The following CHD9 variants were observed in gnomAD, a reference collection of about 807,000 sequenced individuals.
The protein encoded by CHD9 is chromodomain helicase DNA binding protein 9.
A neutral mutation model predicts 316.1 loss-of-function variants in CHD9; 77 were observed. That is an observed-to-expected ratio of 0.24 (90% CI 0.20 to 0.29). CHD9 has a LOEUF of 0.29. CHD9 is among the 10% of genes least tolerant of loss of function. The pLI, the probability that CHD9 is intolerant of heterozygous loss-of-function variation, is 1.00. For missense variants in CHD9, 2,763 were observed against 3,438.1 expected (o/e 0.80, Z 4.91); for synonymous variants, 1,129 against 1,158.3 (o/e 0.97, Z 0.51).
chr16:53,130,990 G>C (rs1169145392), intron 1 of CHD9: 1 of 152,462 alleles, frequency 6.6e-6, no homozygotes, highest in Non-Finnish European at 1.5e-5. Context: ...GGGGGAGGCG[G>C]TGCCCCTTCA....
In CHD9 at chr16:53,055,864, C is replaced by T. The variant is rs2032040776; in HGVS notation, c.-165+787C>T. ...GAAAGACACCAGTGTGGAATGTGAG[C>T]GAAGACTCTTAGGGGTTTATGGGTA... On this transcript the variant is annotated intron_variant, in intron 1 of 38. Coordinates refer to ENST00000447540, the MANE Select transcript of CHD9 (RefSeq NM_001308319.2). Among the ~76,000 whole-genome samples, 4 of 152,110 alleles carry T rather than the reference C, an allele frequency of 2.6e-5. No homozygotes were observed. The South Asian group carries it at 8.3e-4, about 31-fold the overall frequency.
intron 27 of CHD9, among the ~76,000 whole-genome samples, chr16:53,289,188 G>T (rs562426132): frequency 7.0e-4 from 107 of 152,010 alleles, no homozygotes; most frequent in African/African-American, 2.5e-3. Flanking sequence ...ATTAAAGAAA[G>T]AACCAGGAAC....
At position 53,325,692 on chromosome 16, in the gene CHD9, C is replaced by CT. The variant is rs1201249014; in HGVS notation, c.*801dup. ...ACCCTATAGACATACTTAGTTTTAA[C>CT]TTTTCAAAGTTTGGCCTCCTATTAG... On this transcript the variant is annotated 3_prime_UTR_variant, in exon 39 of 39. Transcript: ENST00000447540. 3.9e-5 allele frequency: 6 copies of CT among 152,244 alleles called. No individual in the cohort carries two copies. The highest frequency in any genetic ancestry group is 6.6e-5 in the Admixed American group (1 of 15,260). 9.4% of individuals were successfully genotyped at this position (152,244 alleles called of 1,614,324 possible).
chr16:53,287,037 G>T (rs191150611), intron 26 of CHD9, among the ~76,000 whole-genome samples: 1 of 152,170 alleles, frequency 6.6e-6, no homozygotes, highest in East Asian at 1.9e-4. Context: ...ATGTCTTACT[G>T]CAGCCTTGAC....
intron 1 of CHD9, among the ~76,000 whole-genome samples, chr16:53,103,004 C>G (rs952121539): frequency 5.9e-5 from 9 of 151,870 alleles, no homozygotes; most frequent in Middle Eastern, 3.4e-3. Flanking sequence ...CGCCACCACC[C>G]CTGGCTAATT....
At chr16:53,160,518 G>T (rs2152754228) in intron 2 of CHD9, among the ~76,000 whole-genome samples, 1 of 149,078 alleles carries the variant, frequency 6.7e-6, no homozygotes, top group African/African-American at 2.4e-5. Context: ...TTTTGTTTCA[G>T]TTTTTTTTTT....
chr16:53,095,713 T>C (rs2036321100), intron 1 of CHD9, among the ~76,000 whole-genome samples: 1 of 152,224 alleles, frequency 6.6e-6, no homozygotes, highest in Admixed American at 6.5e-5. Flanking sequence ...CTCCCTAGTA[T>C]GTTCCATGGG....
chr16:53,094,664 G>A (rs1425861102), intron 1 of CHD9, among the ~76,000 whole-genome samples: 1 of 147,282 alleles, frequency 6.8e-6, no homozygotes, highest in African/African-American at 2.5e-5. Context: ...TTTTGAGATG[G>A]AGTCTTCCTC....
chr16:53,134,938 CAA>C (rs2039605281), intron 1 of CHD9, among the ~76,000 whole-genome samples: 1 of 152,000 alleles, frequency 6.6e-6, no homozygotes, highest in African/African-American at 2.4e-5. Context: ...AGTAAATAAA[CAA>C]ATGGAAAATT....
chr16:53,289,704 C>T (rs993553529), intron 27 of CHD9, among the ~76,000 whole-genome samples: 3 of 152,146 alleles, frequency 2.0e-5, no homozygotes, highest in African/African-American at 7.2e-5. Flanking sequence ...ATAAAAGCAG[C>T]ATCTACCACT....
chr16:53,181,039 T>C lies in CHD9; in HGVS notation c.1452+23498T>C, dbSNP rs532836460. 2.7e-5 allele frequency among the ~76,000 whole-genome samples: 4 copies of C among 150,892 alleles called. 1 individual carries two copies. The South Asian group carries it at 8.5e-4, about 32-fold the overall frequency. On this transcript the variant is annotated intron_variant, in intron 2 of 38. Transcript: ENST00000447540. ...TTTTTTTTTTTTTTGAGACAGAGTT[T>C]CGCTGTTGTTGCCCAGACTGGAGTG...
chr16:53,275,334 A>G (rs924351449), intron 24 of CHD9, among the ~76,000 whole-genome samples: 1 of 152,108 alleles, frequency 6.6e-6, no homozygotes, highest in African/African-American at 2.4e-5. Flanking sequence ...AGCCCCAGAC[A>G]CAGACACTGA....
intron 29 of CHD9, among the ~76,000 whole-genome samples, chr16:53,295,619 G>A (rs1293859051): frequency 1.3e-5 from 2 of 152,088 alleles, no homozygotes; most frequent in East Asian, 3.9e-4. Flanking sequence ...TTTGTGTCCT[G>A]TGTAGTCTTT....
Position 53,151,548 on chromosome 16 carries a change from G to A in CHD9, c.-164-4378G>A, listed in dbSNP as rs144830655. On this transcript the variant is annotated intron_variant, in intron 1 of 38. Transcript: ENST00000447540. The stretch of plus-strand genomic sequence containing the variant: ...TGGGATTACAGGCGTGAGACACCAC[G>A]TCCAGCCTCTTCATTATTTTTTCTT... Among the ~76,000 whole-genome samples, 105 of 152,122 alleles carry A rather than the reference G, an allele frequency of 6.9e-4. 1 individual carries two copies. The highest frequency in any genetic ancestry group is 1.3e-3 in the Non-Finnish European group (85 of 67,984).
At chr16:53,131,530 C>A (rs2039310254) in intron 1 of CHD9, among the ~76,000 whole-genome samples, 1 of 150,832 alleles carries the variant, frequency 6.6e-6, no homozygotes, top group African/African-American at 2.4e-5. Flanking sequence ...CTGCCCCCGC[C>A]CCCCGGCCCA....
At chr16:53,264,954 C>T (rs529115122) in intron 20 of CHD9, among the ~76,000 whole-genome samples, 1 of 151,946 alleles carries the variant, frequency 6.6e-6, no homozygotes, top group African/African-American at 2.4e-5. Context: ...TATTTTAAGG[C>T]GTTAAGGATT....
In CHD9 at chr16:53,255,646, G is replaced by C. The variant is rs1217143238; in HGVS notation, c.4076G>C (p.Gly1359Ala). 6.2e-7 allele frequency: 1 copy of C among 1,613,828 alleles called. No individual in the cohort carries two copies. ...GAAATAGAAGATCTGCTTCGAAGAG[G>C]TGCTTATGGTGCTATTATGGAGGAA... Reference protein sequence around the residue: ...KKEIEDLLRRGAYGAIMEEED... With the variant: ...KKEIEDLLRRAAYGAIMEEED... The change falls in exon 19 of 39, where the codon GGT becomes GCT. Residue 1359 changes from glycine (G) to alanine (A), a missense_variant. By Grantham distance (60) the Gly-to-Ala change is moderately conservative (BLOSUM62 0). Transcript: ENST00000447540.
At chr16:53,132,859 A>G (rs1260754198) in intron 1 of CHD9, among the ~76,000 whole-genome samples, 1 of 119,618 alleles carries the variant, frequency 8.4e-6, no homozygotes, top group Non-Finnish European at 1.6e-5. Context: ...CCCAGGCTGG[A>G]GCGCAGTGAC....
intron 1 of CHD9, among the ~76,000 whole-genome samples, chr16:53,074,518 A>AG (rs2034359528): frequency 6.6e-6 from 1 of 152,160 alleles, no homozygotes; most frequent in Non-Finnish European, 1.5e-5. Context: ...GAGGTTGAGG[A>AG]GGAAAAAATG....
Sources: allele counts gnomAD v4.1 joint callset (sites outside exome capture counted in the v4.1 genomes callset), GRCh38; gene constraint gnomAD v4.1.1; transcripts MANE v1.5; gene names NCBI Gene and HGNC (gene_info 2026-07-23, HGNC 2026-07-21).